Variants in EPHA7 observed in about 807,000 individuals in gnomAD.
The protein encoded by EPHA7 is ephrin type-A receptor 7.
A neutral mutation model predicts 112.6 loss-of-function variants in EPHA7; 25 were observed. The ratio of observed to expected loss-of-function variants is 0.22; its 90% CI spans 0.16 to 0.31. The LOEUF (loss-of-function observed/expected upper bound fraction) is 0.31. Ranked by LOEUF, EPHA7 falls within the 10% of genes least tolerant of loss-of-function variation. EPHA7 has a pLI of 1.00. For synonymous variants in EPHA7, 437 were observed against 406.5 expected (o/e 1.07, Z -0.90); for missense variants, 962 against 1,212.6 (o/e 0.79, Z 3.07).
chr6:93,325,366 T>C (rs930986749), intron 5 of EPHA7, among the ~76,000 whole-genome samples: 9 of 151,274 alleles, frequency 5.9e-5, no homozygotes, highest in Admixed American at 4.6e-4. Context: ...TGCCTCTTTA[T>C]CAAAACAAAA....
intron 5 of EPHA7, among the ~76,000 whole-genome samples, chr6:93,341,067 CT>C (rs1775113848): frequency 1.3e-5 from 2 of 151,988 alleles, no homozygotes; most frequent in South Asian, 4.1e-4. Flanking sequence ...AAAATTCTTG[CT>C]GGGTAAGCAT....
intron 5 of EPHA7, among the ~76,000 whole-genome samples, chr6:93,323,388 C>T (rs1774171355): frequency 6.6e-6 from 1 of 151,434 alleles, no homozygotes; most frequent in African/African-American, 2.4e-5. Flanking sequence ...TAATATTCTA[C>T]TCGATTACCA....
At chr6:93,247,528 C>T (rs757585636) in intron 14 of EPHA7, among the ~76,000 whole-genome samples, 1 of 151,994 alleles carries the variant, frequency 6.6e-6, no homozygotes, top group Non-Finnish European at 1.5e-5. Context: ...AAGACAGGAG[C>T]GAGGTTGTAC....
At chr6:93,416,837 G>A (rs919636800) in intron 1 of EPHA7, among the ~76,000 whole-genome samples, 1 of 151,856 alleles carries the variant, frequency 6.6e-6, no homozygotes, top group African/African-American at 2.4e-5. Context: ...CCCAGGCAAC[G>A]ACCGCGCGGG....
chr6:93,244,605 C>T (rs1769862383), intron 16 of EPHA7, among the ~76,000 whole-genome samples: 1 of 151,096 alleles, frequency 6.6e-6, no homozygotes, highest in Admixed American at 6.6e-5. Context: ...TGGAGCCAGA[C>T]AGGAAAAGTG....
intron 5 of EPHA7, among the ~76,000 whole-genome samples, chr6:93,355,271 A>C (rs1775889218): frequency 6.6e-6 from 1 of 152,174 alleles, no homozygotes; most frequent in African/African-American, 2.4e-5. Context: ...GATCTGATTC[A>C]AACAGCCTTT....
intron 2 of EPHA7, among the ~76,000 whole-genome samples, chr6:93,412,280 A>T (rs529492302): frequency 6.7e-6 from 1 of 150,286 alleles, no homozygotes; most frequent in East Asian, 2.0e-4. Flanking sequence ...TATTTTAACT[A>T]TTGTTTCAAG....
At chr6:93,311,322 A>C (rs1773530866) in intron 5 of EPHA7, among the ~76,000 whole-genome samples, 1 of 151,954 alleles carries the variant, frequency 6.6e-6, no homozygotes, top group African/African-American at 2.4e-5. Context: ...AACCTTCTCA[A>C]ACCTTGCCAC....
chr6:93,393,915 G>T (rs11962188), intron 3 of EPHA7, among the ~76,000 whole-genome samples: 5 of 151,748 alleles, frequency 3.3e-5, no homozygotes, highest in Admixed American at 3.3e-4. Flanking sequence ...ACAGCAAATT[G>T]TATCTGTACT....
intron 3 of EPHA7, among the ~76,000 whole-genome samples, chr6:93,387,099 A>T (rs192331305): frequency 2.4e-4 from 37 of 151,644 alleles, no homozygotes; most frequent in East Asian, 9.7e-4. Flanking sequence ...TCCCCAGAAA[A>T]TTTTTTTTTC....
intron 5 of EPHA7, among the ~76,000 whole-genome samples, chr6:93,349,652 T>C (rs749575786): frequency 6.6e-6 from 1 of 151,902 alleles, no homozygotes; most frequent in Non-Finnish European, 1.5e-5. Flanking sequence ...TATTACTTTA[T>C]ATAACCAATA....
Position 93,246,869 on chromosome 6 carries a change from A to C in EPHA7, c.2649T>G (p.Phe883Leu). The C allele has an allele frequency of 6.2e-7, 1 of 1,613,996 alleles. No homozygotes were observed. Among genetic ancestry groups the C allele is most frequent in the Non-Finnish European group, 8.5e-7 (1 of 1,179,888 alleles). ...TGTCTAGAATTCCAACTATCTGTTC[A>C]AATTTTGGCCTTTCAGCACGCTCCT... The part of the protein sequence containing the change: ...WQKERAERPK[F>L]EQIVGILDKM... The change falls in exon 15 of 17, where the codon TTT becomes TTG. Residue 883 changes from phenylalanine to leucine, a missense_variant. Transcript: ENST00000369303.
At chr6:93,394,385 C>T (rs1176897193) in intron 3 of EPHA7, among the ~76,000 whole-genome samples, 1 of 151,612 alleles carries the variant, frequency 6.6e-6, no homozygotes, top group Non-Finnish European at 1.5e-5. Context: ...TTACTATCAA[C>T]ACAGATAATT....
At chr6:93,345,531 A>T (rs1022230209) in intron 5 of EPHA7, among the ~76,000 whole-genome samples, 20 of 151,656 alleles carry the variant, frequency 1.3e-4, no homozygotes, top group African/African-American at 4.8e-4. Context: ...TGCAGCAATT[A>T]TCTCTCCCTT....
rs1769726285 is a variant in EPHA7, at chr6:93,242,369, A to G, written c.*1057T>C. 1 of 198,602 alleles carries G rather than the reference A, an allele frequency of 5.0e-6. No individual in the cohort carries two copies. Among genetic ancestry groups the G allele is most frequent in the Admixed American group, 6.1e-5 (1 of 16,508 alleles). The allele number at this position is 198,602 out of a possible 1,614,324, so 12.3% of individuals were successfully genotyped here. A position where few individuals can be genotyped will look rare whatever the true frequency, so the allele number is the denominator to read the frequency against. On this transcript the variant is annotated 3_prime_UTR_variant, in exon 17 of 17. Transcript: ENST00000369303. ...TCATGCTTCAGAGTTATAATATAAA[A>G]CAATTATTTCCTTTCATGTTTGGAC... is the stretch of plus-strand genomic sequence containing the variant.
At chr6:93,274,046 G>T (rs1406336092) in intron 5 of EPHA7, among the ~76,000 whole-genome samples, 2 of 151,938 alleles carry the variant, frequency 1.3e-5, no homozygotes, top group Non-Finnish European at 2.9e-5. Flanking sequence ...ATACTGCAAT[G>T]GTTAACATAC....
chr6:93,305,420 A>G (rs1349452674), intron 5 of EPHA7, among the ~76,000 whole-genome samples: 2 of 151,984 alleles, frequency 1.3e-5, no homozygotes, highest in Non-Finnish European at 2.9e-5. Context: ...TAGGGGTTAT[A>G]AATCATTTTT....
chr6:93,267,153 T>C (rs1647449248), intron 7 of EPHA7, among the ~76,000 whole-genome samples: 1 of 151,796 alleles, frequency 6.6e-6, no homozygotes, highest in Non-Finnish European at 1.5e-5. Flanking sequence ...TGAATATTAA[T>C]TGATATAACC....
chr6:93,408,106 G>T (rs1188173106), intron 3 of EPHA7, among the ~76,000 whole-genome samples: 2 of 151,374 alleles, frequency 1.3e-5, no homozygotes, highest in Non-Finnish European at 3.0e-5. Flanking sequence ...TAAAACACAG[G>T]GCCTTTAATG....
Sources: allele counts gnomAD v4.1 joint callset (sites outside exome capture counted in the v4.1 genomes callset), GRCh38; gene constraint gnomAD v4.1.1; transcripts MANE v1.5; gene names NCBI Gene and HGNC (gene_info 2026-07-23, HGNC 2026-07-21).